KDM4B: variants seen among roughly 807,000 people sequenced by gnomAD.
KDM4B encodes lysine-specific demethylase 4B.
KDM4B carries 32 observed loss-of-function variants against 125.2 expected under a neutral mutation model. The observed-to-expected ratio is 0.26, with a 90% CI of 0.19 to 0.34. The LOEUF (loss-of-function observed/expected upper bound fraction) is 0.34, where lower values mean the gene tolerates loss of function less well. KDM4B is among the 10% of genes least tolerant of loss of function. The pLI is 1.00. For missense variants in KDM4B, 1,190 were observed against 1,577.7 expected (o/e 0.75, Z 4.16); for synonymous variants, 721 against 677.9 (o/e 1.06, Z -0.99).
At chr19:5,093,676 C>T (rs1252399681) in intron 9 of KDM4B, among the ~76,000 whole-genome samples, 1 of 152,216 alleles carries the variant, frequency 6.6e-6, no homozygotes, top group Non-Finnish European at 1.5e-5. Context: ...ACCTGCCACC[C>T]ACACCCACCC....
chr19:5,137,577 C>T (rs1304534663), intron 16 of KDM4B, 44 bp from the exon 17 acceptor site: 6 of 1,571,084 alleles, frequency 3.8e-6, no homozygotes, highest in African/African-American at 1.3e-5. Context: ...GTGTGGGGAG[C>T]CTGCTCCGAG....
In KDM4B at chr19:5,144,304, C is replaced by A; in HGVS notation, c.2793C>A (p.Asn931Lys). ...AGGTGGTCATCACCAAGAACCGCAA[C>A]GGGCTGTACTACCGCTGTCGCGTCA... ...LGQVVITKNR[N>K]GLYYRCRVIG... Residue 931 changes from asparagine to lysine, a missense_variant, in exon 20 of 23, where the codon AAC becomes AAA. Transcript: ENST00000159111. 1 of 1,591,542 alleles carries A rather than the reference C, an allele frequency of 6.3e-7. No individual in the cohort carries two copies. The highest frequency in any genetic ancestry group is 1.7e-5 in the Admixed American group (1 of 57,660).
In KDM4B at chr19:5,106,878, G is replaced by A. The variant is rs555996231; in HGVS notation, c.919-3744G>A. 6.6e-5 allele frequency among the ~76,000 whole-genome samples: 10 copies of A among 152,324 alleles called. No homozygotes were observed. In the East Asian group the frequency reaches 7.7e-4, roughly 12 times the overall value. On this transcript the variant is annotated intron_variant, in intron 9 of 22. Transcript: ENST00000159111. ...CCAGGATCTTAGGACTGGGGAGAACGGTGGGGGCAGAGAGCCTGCAGTTGG... is the reference window on the plus strand; with the variant it reads ...CCAGGATCTTAGGACTGGGGAGAACAGTGGGGGCAGAGAGCCTGCAGTTGG...
chr19:5,137,525 G>T, intron 16 of KDM4B, 96 bp from the exon 17 acceptor site: 1 of 1,329,490 alleles, frequency 7.5e-7, no homozygotes, highest in Non-Finnish European at 1.0e-6. Flanking sequence ...AAATATAAGG[G>T]CCGTGGGCTG....
chr19:5,090,656 T>G (rs1049082480), intron 9 of KDM4B, among the ~76,000 whole-genome samples: 1 of 23,648 alleles, frequency 4.2e-5, no homozygotes, highest in African/African-American at 1.7e-4. Flanking sequence ...CGGCCCCCCC[T>G]TCCCCCCACC....
At chr19:4,990,492 G>A (rs1046412784) in intron 1 of KDM4B, among the ~76,000 whole-genome samples, 3 of 152,232 alleles carry the variant, frequency 2.0e-5, no homozygotes, top group Admixed American at 6.5e-5. Context: ...TGAAGGCAGC[G>A]TGGCGAGGAG....
chr19:5,083,794 T>C (rs1343971570), intron 9 of KDM4B, among the ~76,000 whole-genome samples: 1 of 152,170 alleles, frequency 6.6e-6, no homozygotes, highest in African/African-American at 2.4e-5. Flanking sequence ...GAGCAGGTAC[T>C]TCCTCCCATC....
chr19:5,073,824 G>A (rs1369403680), intron 7 of KDM4B, among the ~76,000 whole-genome samples: 1 of 152,176 alleles, frequency 6.6e-6, no homozygotes, highest in Non-Finnish European at 1.5e-5. Flanking sequence ...TTCTTAGAAA[G>A]TATGGACTCT....
chr19:5,088,044 A>G (rs975236534), intron 9 of KDM4B, among the ~76,000 whole-genome samples: 8 of 152,090 alleles, frequency 5.3e-5, no homozygotes, highest in African/African-American at 9.7e-5. Flanking sequence ...TTCTTATCCA[A>G]CCTGCTCTTC....
chr19:4,979,633 A>G (rs951022343), intron 1 of KDM4B, among the ~76,000 whole-genome samples: 24 of 152,198 alleles, frequency 1.6e-4, no homozygotes, highest in Admixed American at 8.5e-4. Context: ...CAAGTCTAGA[A>G]GCCATTCCTG....
intron 6 of KDM4B, among the ~76,000 whole-genome samples, chr19:5,070,263 C>T (rs538470990): frequency 6.6e-6 from 1 of 152,254 alleles, no homozygotes; most frequent in Non-Finnish European, 1.5e-5. Flanking sequence ...GGCACTGGGG[C>T]TTCTCGCTCC....
In KDM4B at chr19:5,151,376, G is replaced by A. The variant is rs1339513906; in HGVS notation, c.3156G>A (p.Gly1052=). Residue 1052 remains glycine (G), a synonymous_variant, in exon 23 of 23, where the codon GGG becomes GGA. Coordinates refer to ENST00000159111, the MANE Select transcript of KDM4B (RefSeq NM_015015.3). ...CACCGCAGGAGCCCGCCTTCTCGGG[G>A]GAGGAGGCCAAGGCCGCCAAGCGCC... ...TGAPQEPAFS[G]EEAKAAKRPR... is the part of the protein sequence containing the mutation. 2.5e-6 allele frequency: 4 copies of A among 1,588,780 alleles called. No homozygotes were observed. The highest frequency in any genetic ancestry group is 3.5e-5 in the Admixed American group (2 of 57,240).
intron 9 of KDM4B, among the ~76,000 whole-genome samples, chr19:5,094,809 G>A (rs1021976621): frequency 2.0e-5 from 3 of 152,182 alleles, no homozygotes; most frequent in Non-Finnish European, 4.4e-5. Context: ...AAATGAAATA[G>A]GATGAACCCT....
At chr19:4,988,247 C>T (rs759023712) in intron 1 of KDM4B, among the ~76,000 whole-genome samples, 9 of 152,310 alleles carry the variant, frequency 5.9e-5, no homozygotes, top group African/African-American at 1.7e-4. Flanking sequence ...CTGCTGGACG[C>T]GCTGGAAACC....
intron 1 of KDM4B, among the ~76,000 whole-genome samples, chr19:4,974,333 C>T (rs1026721716): frequency 3.3e-5 from 5 of 149,722 alleles, no homozygotes; most frequent in Non-Finnish European, 5.9e-5. Context: ...ACCCGAGAGG[C>T]GGAGCTTGCA....
At chr19:4,975,316 G>A (rs568409035) in intron 1 of KDM4B, among the ~76,000 whole-genome samples, 5 of 152,236 alleles carry the variant, frequency 3.3e-5, no homozygotes, top group African/African-American at 7.2e-5. Context: ...CGTGAATTCC[G>A]TGCAATTTTT....
chr19:5,136,126 A>T (rs890373509), intron 15 of KDM4B, among the ~76,000 whole-genome samples: 3 of 152,210 alleles, frequency 2.0e-5, no homozygotes, highest in Non-Finnish European at 2.9e-5. Flanking sequence ...GGCCCTCTGG[A>T]CAGTTCTGCC....
intron 11 of KDM4B, among the ~76,000 whole-genome samples, chr19:5,123,662 C>T (rs1568311786): frequency 1.3e-5 from 2 of 152,232 alleles, no homozygotes; most frequent in Non-Finnish European, 2.9e-5. Context: ...CCTGCAGGGC[C>T]TGTGTCTACA....
At chr19:5,027,104 AG>A (rs2036303848) in intron 2 of KDM4B, among the ~76,000 whole-genome samples, 1 of 152,234 alleles carries the variant, frequency 6.6e-6, no homozygotes, top group Admixed American at 6.5e-5. Flanking sequence ...TCTCCAAGGA[AG>A]GGTGGGCCTG....
Sources: gnomAD v4.1 joint callset for allele counts (sites outside exome capture counted in the v4.1 genomes callset) on GRCh38, gnomAD v4.1.1 for gene constraint, MANE v1.5 for transcripts, NCBI Gene and HGNC (gene_info 2026-07-23, HGNC 2026-07-21) for gene names.